The following GABRA3 variants were observed in gnomAD, a reference collection of about 807,000 sequenced individuals.
The protein encoded by GABRA3 is gamma-aminobutyric acid type A receptor subunit alpha3.
GABRA3 carries 10 observed loss-of-function variants against 30.1 expected under a neutral mutation model. The observed-to-expected ratio is 0.33, with a 90% CI of 0.20 to 0.56. The LOEUF (loss-of-function observed/expected upper bound fraction) is 0.56, where lower values mean the gene tolerates loss of function less well. Among genes scored for constraint, GABRA3 ranks in the 20% least tolerant of loss-of-function variants. GABRA3 has a pLI of 0.89. For synonymous variants in GABRA3, 151 were observed against 146.8 expected, an observed-to-expected ratio of 1.03 and a Z score of -0.21; for missense variants, 233 against 392.0, an observed-to-expected ratio of 0.59 and a Z score of 3.42.
intron 1 of GABRA3, among the ~76,000 whole-genome samples, chrX:152,416,861 T>G (rs1256838179): frequency 9.4e-5 from 10 of 106,667 alleles, no homozygotes; most frequent in Non-Finnish European, 1.5e-4. Flanking sequence ...TTACACCTTA[T>G]ACAAAAATCA....
intron 3 of GABRA3, among the ~76,000 whole-genome samples, chrX:152,296,945 C>A (rs909632154): frequency 9.0e-6 from 1 of 110,995 alleles, no homozygotes; most frequent in Non-Finnish European, 1.9e-5. Context: ...GTGATCCACC[C>A]GCCTTGGCCT....
intron 5 of GABRA3, among the ~76,000 whole-genome samples, chrX:152,252,986 C>T (rs759165246): frequency 8.9e-6 from 1 of 112,027 alleles, no homozygotes; most frequent in South Asian, 3.7e-4. Flanking sequence ...TGCTGAACTT[C>T]AAGGCTCAGG....
chrX:152,307,825 C>T (rs1339747844), intron 3 of GABRA3, among the ~76,000 whole-genome samples: 3 of 111,778 alleles, frequency 2.7e-5, no homozygotes, highest in African/African-American at 9.7e-5. Context: ...CCTCTGGAAT[C>T]CTAACTGGGG....
At chrX:152,322,844 C>CTTTTTTT (rs1172827692) in intron 3 of GABRA3, among the ~76,000 whole-genome samples, 2 of 61,261 alleles carry the variant, frequency 3.3e-5, no homozygotes, top group Non-Finnish European at 5.9e-5. Flanking sequence ...AAAGTCTACT[C>CTTTTTTT]TTTTTTTTTT....
chrX:152,413,918 T>C (rs1930138767), intron 1 of GABRA3, among the ~76,000 whole-genome samples: 1 of 110,130 alleles, frequency 9.1e-6, no homozygotes, highest in African/African-American at 3.3e-5. Flanking sequence ...CTCCTACCAA[T>C]AATGAGTTTG....
At chrX:152,172,951 T>TACACACACACACAC (rs58184376) in intron 9 of GABRA3, among the ~76,000 whole-genome samples, 6 of 102,605 alleles carry the variant, frequency 5.8e-5, no homozygotes, top group African/African-American at 2.1e-4. Context: ...CGAGTATGTG[T>TACACACACACACAC]ACACACACAC....
At chrX:152,197,513 C>T in intron 8 of GABRA3, 120 bp downstream of exon 8, 3 of 591,532 alleles carry the variant, frequency 5.1e-6, no homozygotes, top group Non-Finnish European at 5.0e-6. Context: ...GATTCAGTTA[C>T]TCCTGCTAGG....
At chrX:152,254,247 C>G (rs1025283790) in intron 5 of GABRA3, among the ~76,000 whole-genome samples, 4 of 110,915 alleles carry the variant, frequency 3.6e-5, no homozygotes, top group African/African-American at 1.3e-4. Context: ...TGTCCCTTCC[C>G]CTACTTCTCT....
At chrX:152,203,447 G>T (rs1274159743) in intron 7 of GABRA3, among the ~76,000 whole-genome samples, 1 of 111,978 alleles carries the variant, frequency 8.9e-6, no homozygotes, top group Non-Finnish European at 1.9e-5. Flanking sequence ...AATCTATAGA[G>T]AAAGTATTGA....
intron 9 of GABRA3, among the ~76,000 whole-genome samples, chrX:152,172,940 A>G (rs1937021050): frequency 9.9e-6 from 1 of 100,882 alleles, no homozygotes; most frequent in African/African-American, 3.7e-5. Context: ...ATATATATTT[A>G]CGAGTATGTG....
At chrX:152,196,703 C>T (rs897635710) in intron 8 of GABRA3, among the ~76,000 whole-genome samples, 1 of 111,783 alleles carries the variant, frequency 8.9e-6, no homozygotes, top group Non-Finnish European at 1.9e-5. Context: ...TACAGTTCAA[C>T]CCACATGAGT....
intron 1 of GABRA3, among the ~76,000 whole-genome samples, chrX:152,433,893 A>T (rs752214081): frequency 8.9e-6 from 1 of 111,896 alleles, no homozygotes; most frequent in African/African-American, 3.2e-5. Context: ...AATATAACAA[A>T]TTTATGGAAA....
At chrX:152,363,725 T>A (rs916535708) in intron 2 of GABRA3, among the ~76,000 whole-genome samples, 1 of 112,203 alleles carries the variant, frequency 8.9e-6, no homozygotes, top group Non-Finnish European at 1.9e-5. Flanking sequence ...ACCAGAGAAT[T>A]ATAGTGTCTC....
At chrX:152,185,721 G>C (rs762623677) in intron 9 of GABRA3, among the ~76,000 whole-genome samples, 7 of 111,642 alleles carry the variant, frequency 6.3e-5, no homozygotes, top group African/African-American at 2.3e-4. Flanking sequence ...TCTTAACTTA[G>C]ACCCAAATCA....
chrX:152,249,230 A>G (rs1450523572), intron 5 of GABRA3, among the ~76,000 whole-genome samples: 2 of 111,020 alleles, frequency 1.8e-5, no homozygotes, highest in African/African-American at 6.5e-5. Context: ...ACTTGTAGAA[A>G]CCAGCCATAC....
intron 5 of GABRA3, among the ~76,000 whole-genome samples, chrX:152,244,288 ATGTT>A (rs1336527994): frequency 8.9e-6 from 1 of 111,916 alleles, no homozygotes; most frequent in Non-Finnish European, 1.9e-5. Context: ...TGTGGTCTGA[ATGTT>A]TGTGTCCCCC....
intron 5 of GABRA3, among the ~76,000 whole-genome samples, chrX:152,226,485 G>A (rs1937957425): frequency 9.0e-6 from 1 of 111,553 alleles, no homozygotes; most frequent in Non-Finnish European, 1.9e-5. Flanking sequence ...AGGACTTCAT[G>A]TCTAAAACAC....
intron 4 of GABRA3, among the ~76,000 whole-genome samples, chrX:152,272,520 G>T (rs1401817677): frequency 1.8e-5 from 2 of 112,110 alleles, no homozygotes; most frequent in Non-Finnish European, 3.8e-5. Flanking sequence ...GAAAGGACTT[G>T]CCTTGTCTCA....
intron 9 of GABRA3, among the ~76,000 whole-genome samples, chrX:152,180,504 G>C (rs1937131733): frequency 9.0e-6 from 1 of 111,477 alleles, no homozygotes; most frequent in Non-Finnish European, 1.9e-5. Context: ...TTGTCTCTTT[G>C]CTCTGTTGAT....
Sources: gnomAD v4.1 joint callset for allele counts (sites outside exome capture counted in the v4.1 genomes callset) on GRCh38, gnomAD v4.1.1 for gene constraint, MANE v1.5 for transcripts, NCBI Gene and HGNC (gene_info 2026-07-23, HGNC 2026-07-21) for gene names.